RPS6KC1: variants seen among roughly 807,000 people sequenced by gnomAD.
The protein encoded by RPS6KC1 is ribosomal protein S6 kinase C1, also known as inactive ribosomal protein S6 kinase delta-1.
In RPS6KC1, 54 loss-of-function variants were observed where a neutral mutation model predicts 103.8. The ratio of observed to expected loss-of-function variants is 0.52; its 90% CI spans 0.42 to 0.65. The LOEUF (loss-of-function observed/expected upper bound fraction) is 0.65, where lower values mean the gene tolerates loss of function less well. RPS6KC1 is among the 30% of genes least tolerant of loss of function. The pLI is 0.00. For missense variants in RPS6KC1, 1,151 were observed against 1,253.8 expected, an observed-to-expected ratio of 0.92 and a Z score of 1.24; for synonymous variants, 439 against 438.7, an observed-to-expected ratio of 1.00 and a Z score of -0.01.
chr1:213,630,421 C>T, the RPS6KC1 span, among the ~76,000 whole-genome samples: 1 of 152,206 alleles, frequency 6.6e-6, no homozygotes, highest in Non-Finnish European at 1.5e-5. Context: ...CCTTGGTTTT[C>T]AGCTCCATCA....
At chr1:213,462,976 G>A in the RPS6KC1 span, among the ~76,000 whole-genome samples, 1 of 152,196 alleles carries the variant, frequency 6.6e-6, no homozygotes, top group Non-Finnish European at 1.5e-5. Context: ...GTAGACATAT[G>A]TTGCTGTGTA....
At chr1:213,758,139 C>A in the RPS6KC1 span, among the ~76,000 whole-genome samples, 1 of 152,160 alleles carries the variant, frequency 6.6e-6, no homozygotes, top group Non-Finnish European at 1.5e-5. Flanking sequence ...AATCAAAGAG[C>A]AATTTAGACT....
At chr1:213,085,789 CT>C (rs1364948737) in intron 3 of RPS6KC1, among the ~76,000 whole-genome samples, 2 of 151,956 alleles carry the variant, frequency 1.3e-5, no homozygotes, top group South Asian at 2.1e-4. Flanking sequence ...ACTCACATAT[CT>C]TTTTTTTCTA....
At chr1:213,446,819 C>A in the RPS6KC1 span, among the ~76,000 whole-genome samples, 2 of 152,188 alleles carry the variant, frequency 1.3e-5, no homozygotes, top group African/African-American at 4.8e-5. Context: ...ACTGATTCAA[C>A]AAAAGCCCTG....
At chr1:213,092,237 C>T (rs2081033913) in intron 3 of RPS6KC1, among the ~76,000 whole-genome samples, 2 of 152,164 alleles carry the variant, frequency 1.3e-5, no homozygotes, top group Admixed American at 6.5e-5. Context: ...CACACGTACA[C>T]ACATATATAC....
the RPS6KC1 span, among the ~76,000 whole-genome samples, chr1:213,471,870 G>A: frequency 3.9e-5 from 6 of 151,920 alleles, no homozygotes; most frequent in African/African-American, 7.3e-5. Context: ...ACAGGGACAA[G>A]AGTTGGGAGC....
chr1:213,470,665 G>C, the RPS6KC1 span, among the ~76,000 whole-genome samples: 1 of 137,558 alleles, frequency 7.3e-6, no homozygotes, highest in Admixed American at 8.1e-5. Context: ...TGCCACCCAG[G>C]CTGGAGTGCA....
chr1:213,244,605 G>T (rs538652791), intron 12 of RPS6KC1, among the ~76,000 whole-genome samples: 4 of 152,102 alleles, frequency 2.6e-5, no homozygotes, highest in South Asian at 4.2e-4. Flanking sequence ...TCCATAACAT[G>T]TTGGTATCCT....
At chr1:213,234,958 T>C (rs1370490800) in intron 10 of RPS6KC1, among the ~76,000 whole-genome samples, 15 of 152,328 alleles carry the variant, frequency 9.8e-5, no homozygotes, top group Middle Eastern at 6.8e-3. Context: ...TCTACAGTAA[T>C]TTCTCAGATT....
the RPS6KC1 span, among the ~76,000 whole-genome samples, chr1:213,610,231 C>T: frequency 6.6e-6 from 1 of 152,208 alleles, no homozygotes; most frequent in Admixed American, 6.5e-5. Flanking sequence ...CATGCACCAG[C>T]TCTTCACATC....
At chr1:213,611,107 C>T in the RPS6KC1 span, among the ~76,000 whole-genome samples, 2 of 152,166 alleles carry the variant, frequency 1.3e-5, no homozygotes, top group African/African-American at 4.8e-5. Flanking sequence ...TCTTCTGTCT[C>T]TTTTATTCTT....
At chr1:213,568,082 T>TA in the RPS6KC1 span, among the ~76,000 whole-genome samples, 1 of 152,192 alleles carries the variant, frequency 6.6e-6, no homozygotes, top group Non-Finnish European at 1.5e-5. Flanking sequence ...AGCAGGAACA[T>TA]GAGACTCCTG....
At chr1:213,253,227 G>A (rs953530414) in intron 12 of RPS6KC1, among the ~76,000 whole-genome samples, 1 of 152,052 alleles carries the variant, frequency 6.6e-6, no homozygotes, top group Non-Finnish European at 1.5e-5. Context: ...TTTGGAATGG[G>A]GATGGGTAAC....
At chr1:213,226,926 T>A (rs1209211774) in intron 8 of RPS6KC1, among the ~76,000 whole-genome samples, 1 of 152,232 alleles carries the variant, frequency 6.6e-6, no homozygotes, top group Non-Finnish European at 1.5e-5. Context: ...ATAGTATCGC[T>A]TAGCAATTAA....
At chr1:213,682,327 A>T in the RPS6KC1 span, among the ~76,000 whole-genome samples, 1 of 152,144 alleles carries the variant, frequency 6.6e-6, no homozygotes, top group Admixed American at 6.5e-5. Context: ...AACATCCTTC[A>T]TTTATGCTTC....
intron 8 of RPS6KC1, among the ~76,000 whole-genome samples, chr1:213,178,310 C>A (rs1457010167): frequency 1.3e-5 from 2 of 151,662 alleles, no homozygotes; most frequent in Admixed American, 1.3e-4. Context: ...GAGGCCGAGG[C>A]CAGTGGATCA....
chr1:213,779,074 T>C, the RPS6KC1 span, among the ~76,000 whole-genome samples: 2 of 152,198 alleles, frequency 1.3e-5, no homozygotes, highest in South Asian at 2.1e-4. Context: ...TGAGGAATTC[T>C]GAGCATCTAA....
the RPS6KC1 span, among the ~76,000 whole-genome samples, chr1:213,312,047 G>A: frequency 7.2e-5 from 11 of 151,954 alleles, no homozygotes; most frequent in Non-Finnish European, 1.3e-4. Context: ...ACAGGTGTGC[G>A]CCACCATGCC....
the RPS6KC1 span, among the ~76,000 whole-genome samples, chr1:213,604,745 C>T: frequency 2.0e-5 from 3 of 152,330 alleles, no homozygotes; most frequent in Non-Finnish European, 4.4e-5. Flanking sequence ...CCTGTAGACT[C>T]ACCAAATCCT....
Sources: gnomAD v4.1 joint callset for allele counts (sites outside exome capture counted in the v4.1 genomes callset) on GRCh38, gnomAD v4.1.1 for gene constraint, MANE v1.5 for transcripts, NCBI Gene and HGNC (gene_info 2026-07-23, HGNC 2026-07-21) for gene names.